RUNDC3B: variants seen among roughly 807,000 people sequenced by gnomAD.
The protein encoded by RUNDC3B is RUN domain-containing protein 3B.
RUNDC3B carries 33 observed loss-of-function variants against 58.4 expected under a neutral mutation model. The ratio of observed to expected loss-of-function variants is 0.56; its 90% CI spans 0.43 to 0.75. The LOEUF (loss-of-function observed/expected upper bound fraction) is 0.75, where lower values mean the gene tolerates loss of function less well. RUNDC3B is among the 30% of genes least tolerant of loss of function. The pLI is 0.00. For missense variants in RUNDC3B, 501 were observed against 535.7 expected (o/e 0.94, Z 0.64); for synonymous variants, 193 against 195.2 (o/e 0.99, Z 0.10).
chr7:87,700,631 T>G lies in RUNDC3B; in HGVS notation c.372+77T>G. 2.3e-6 allele frequency: 3 copies of G among 1,331,920 alleles called. No homozygotes were observed. In the South Asian group the frequency reaches 4.1e-5, roughly 18 times the overall value. The allele number at this position is 1,331,920 out of a possible 1,614,324, so 82.5% of individuals were successfully genotyped here. On this transcript the variant is annotated intron_variant, in intron 3 of 10. Transcript: ENST00000394654. ...TTGGAATAGCAGGAAGGTGTGAAGC[T>G]ACTTACTATGAATTTCCTTTTCTTA...
At chr7:87,646,927 T>G (rs893064411) in intron 1 of RUNDC3B, among the ~76,000 whole-genome samples, 1 of 152,212 alleles carries the variant, frequency 6.6e-6, no homozygotes, top group Admixed American at 6.5e-5. Flanking sequence ...CAGTGTTACT[T>G]CCTATATGTT....
intron 10 of RUNDC3B, among the ~76,000 whole-genome samples, chr7:87,818,922 C>T (rs762762713): frequency 1.4e-4 from 21 of 152,194 alleles, no homozygotes; most frequent in South Asian, 8.3e-4. Context: ...AACAAACAAA[C>T]AAACAACAAC....
chr7:87,744,601 T>C (rs1340665536), intron 6 of RUNDC3B, among the ~76,000 whole-genome samples: 3 of 152,240 alleles, frequency 2.0e-5, no homozygotes, highest in African/African-American at 7.2e-5. Flanking sequence ...GATTGAGTTC[T>C]TGATTTGATT....
chr7:87,645,855 ACT>A (rs142441730), intron 1 of RUNDC3B, among the ~76,000 whole-genome samples: 3,925 of 152,166 alleles, frequency 0.026, 167 homozygotes, highest in African/African-American at 0.089. Flanking sequence ...TGAAGCATAG[ACT>A]CTAAGGGATT....
chr7:87,815,990 C>T, intron 9 of RUNDC3B, 151 bp from the exon 10 acceptor site: 3 of 592,722 alleles, frequency 5.1e-6, no homozygotes, highest in Non-Finnish European at 9.1e-6. Context: ...GGAGATCATA[C>T]TGAAGCCAAG....
intron 6 of RUNDC3B, among the ~76,000 whole-genome samples, chr7:87,751,184 G>A (rs1227836746): frequency 6.6e-6 from 1 of 152,022 alleles, no homozygotes; most frequent in Non-Finnish European, 1.5e-5. Flanking sequence ...AAGATCAGAT[G>A]GTTGTAGATA....
At chr7:87,752,039 A>G (rs953130466) in intron 6 of RUNDC3B, among the ~76,000 whole-genome samples, 62 of 152,192 alleles carry the variant, frequency 4.1e-4, no homozygotes, top group Admixed American at 8.5e-4. Flanking sequence ...ATCATTTTGA[A>G]ATATGTCCCA....
chr7:87,820,543 C>T (rs1265837801), intron 10 of RUNDC3B, among the ~76,000 whole-genome samples: 1 of 152,150 alleles, frequency 6.6e-6, no homozygotes, highest in Non-Finnish European at 1.5e-5. Context: ...TTTTATGAGG[C>T]CAGCATCATC....
At chr7:87,642,512 G>A (rs960516088) in intron 1 of RUNDC3B, among the ~76,000 whole-genome samples, 6 of 152,068 alleles carry the variant, frequency 3.9e-5, no homozygotes, top group African/African-American at 1.4e-4. Context: ...TTAATTGGGA[G>A]TTCTTTCATA....
chr7:87,786,354 A>G (rs1835215168), intron 8 of RUNDC3B, among the ~76,000 whole-genome samples: 1 of 152,136 alleles, frequency 6.6e-6, no homozygotes, highest in Non-Finnish European at 1.5e-5. Flanking sequence ...GGAACAAAAA[A>G]TTTTAATATT....
At chr7:87,710,769 C>T (rs1019640626) in intron 4 of RUNDC3B, 114 bp downstream of exon 4, 1 of 550,082 alleles carries the variant, frequency 1.8e-6, no homozygotes. Context: ...TTTATTTCCT[C>T]CTTTTGTTAC....
At chr7:87,782,976 CAATTGGACAAGTCA>C (rs1234601473) in intron 8 of RUNDC3B, among the ~76,000 whole-genome samples, 1 of 152,074 alleles carries the variant, frequency 6.6e-6, no homozygotes, top group African/African-American at 2.4e-5. Flanking sequence ...CTATTAGGTC[CAATTGGACAAGTCA>C]AATTTACATC....
intron 1 of RUNDC3B, among the ~76,000 whole-genome samples, chr7:87,639,498 C>T (rs2130278013): frequency 6.6e-6 from 1 of 152,198 alleles, no homozygotes; most frequent in East Asian, 1.9e-4. Flanking sequence ...TTAAAGTCTA[C>T]CTCTATGACT....
At chr7:87,816,763 C>T (rs1004660492) in intron 10 of RUNDC3B, among the ~76,000 whole-genome samples, 3 of 152,156 alleles carry the variant, frequency 2.0e-5, no homozygotes, top group Non-Finnish European at 4.4e-5. Flanking sequence ...GCAATATCAG[C>T]CTCTCTTCCC....
At chr7:87,749,520 A>T (rs573645929) in intron 6 of RUNDC3B, among the ~76,000 whole-genome samples, 53 of 152,254 alleles carry the variant, frequency 3.5e-4, no homozygotes, top group African/African-American at 1.2e-3. Context: ...TGGAGTTTTT[A>T]TTTTTAGAAA....
intron 2 of RUNDC3B, among the ~76,000 whole-genome samples, chr7:87,685,783 T>G (rs983764003): frequency 6.6e-6 from 1 of 152,168 alleles, no homozygotes; most frequent in African/African-American, 2.4e-5. Context: ...TTTTCAAAAC[T>G]CATAGCAACA....
intron 2 of RUNDC3B, among the ~76,000 whole-genome samples, chr7:87,668,067 CT>C (rs755612383): frequency 1.6e-3 from 235 of 150,760 alleles, no homozygotes; most frequent in Non-Finnish European, 2.7e-3. Context: ...ATGGTACCAG[CT>C]CTCATTTGTA....
chr7:87,806,596 G>A (rs562343343), intron 8 of RUNDC3B, among the ~76,000 whole-genome samples: 1 of 152,106 alleles, frequency 6.6e-6, no homozygotes, highest in Non-Finnish European at 1.5e-5. Flanking sequence ...CTGTGACAAT[G>A]ATCAGTTGGT....
At chr7:87,738,597 T>C (rs1360294224) in intron 4 of RUNDC3B, among the ~76,000 whole-genome samples, 2 of 151,966 alleles carry the variant, frequency 1.3e-5, no homozygotes, top group Non-Finnish European at 1.5e-5. Flanking sequence ...TTTTAAAATA[T>C]TTTTGTTTTA....
Sources: gnomAD v4.1 joint callset for allele counts (sites outside exome capture counted in the v4.1 genomes callset) on GRCh38, gnomAD v4.1.1 for gene constraint, MANE v1.5 for transcripts, NCBI Gene and HGNC (gene_info 2026-07-23, HGNC 2026-07-21) for gene names.